The following PLEKHA5 variants were observed in gnomAD, a reference collection of about 807,000 sequenced individuals.
PLEKHA5 encodes pleckstrin homology domain containing A5.
Under a neutral mutation model 181.9 loss-of-function variants are expected in PLEKHA5, and 55 were observed. The observed-to-expected ratio is 0.30, with a 90% confidence interval of 0.24 to 0.38. The LOEUF (loss-of-function observed/expected upper bound fraction) is 0.38, where lower values mean the gene tolerates loss of function less well. Ranked by LOEUF, PLEKHA5 falls within the 10% of genes least tolerant of loss-of-function variation. PLEKHA5 has a pLI of 1.00. For missense variants in PLEKHA5, 1,432 were observed against 1,549.5 expected (o/e 0.92, Z 1.27); for synonymous variants, 535 against 529.4 (o/e 1.01, Z -0.15).
At chr12:19,244,200 A>G (rs1052408207) in intron 3 of PLEKHA5, among the ~76,000 whole-genome samples, 3 of 152,166 alleles carry the variant, frequency 2.0e-5, no homozygotes, top group Non-Finnish European at 2.9e-5. Flanking sequence ...ACACTGTGTG[A>G]TTTCTATTGA....
chr12:19,327,956 A>G (rs1005062606), intron 20 of PLEKHA5, among the ~76,000 whole-genome samples: 2 of 152,086 alleles, frequency 1.3e-5, no homozygotes, highest in Non-Finnish European at 2.9e-5. Flanking sequence ...AAGGATTCTT[A>G]TAGTTTGAGG....
At chr12:19,289,658 C>A (rs1346984030) in intron 13 of PLEKHA5, among the ~76,000 whole-genome samples, 1 of 152,070 alleles carries the variant, frequency 6.6e-6, no homozygotes, top group Non-Finnish European at 1.5e-5. Context: ...GGAATTTCAT[C>A]CACTGTTGAA....
chr12:19,284,978 C>T (rs968053280), intron 12 of PLEKHA5, among the ~76,000 whole-genome samples: 1 of 152,158 alleles, frequency 6.6e-6, no homozygotes, highest in African/African-American at 2.4e-5. Context: ...TTTTAAAATG[C>T]TCTTTTCTTA....
At chr12:19,275,438 C>A (rs1480005201) in intron 11 of PLEKHA5, among the ~76,000 whole-genome samples, 3 of 152,162 alleles carry the variant, frequency 2.0e-5, no homozygotes, top group African/African-American at 7.2e-5. Context: ...CAGTCTTATT[C>A]TTGGGCTTTC....
At position 19,130,998 on chromosome 12, in the gene PLEKHA5, G is replaced by C. The variant is rs1382143073; in HGVS notation, c.169+868G>C. ...CTTTGGGAGCTTGTTTGAATGCTAA[G>C]TGTGAGTGGAGCTGGAAAAGGCTCC... On this transcript the variant is annotated intron_variant, in intron 2 of 31. Transcript: ENST00000429027. The surrounding 1 kb of genome is among the most constrained non-coding windows in gnomAD (Gnocchi z 4.5). 1 of 152,422 alleles carries C rather than the reference G, an allele frequency of 6.6e-6. No individual in the cohort carries two copies. The highest frequency in any genetic ancestry group is 1.5e-5 in the Non-Finnish European group (1 of 68,166). 9.4% of individuals were successfully genotyped at this position (152,422 alleles called of 1,614,324 possible). A position where few individuals can be genotyped will look rare whatever the true frequency, so the allele number is the denominator to read the frequency against.
intron 3 of PLEKHA5, among the ~76,000 whole-genome samples, chr12:19,212,881 CAG>C (rs2057240093): frequency 1.4e-5 from 2 of 146,798 alleles, no homozygotes; most frequent in African/African-American, 5.0e-5. Flanking sequence ...CTGTAAGTGG[CAG>C]AGTTAGAATT....
intron 15 of PLEKHA5, among the ~76,000 whole-genome samples, chr12:19,294,863 A>T (rs1190017978): frequency 6.6e-6 from 1 of 152,218 alleles, no homozygotes; most frequent in African/African-American, 2.4e-5. Flanking sequence ...TCAGCAATAT[A>T]ATTTGATTCT....
intron 3 of PLEKHA5, among the ~76,000 whole-genome samples, chr12:19,234,077 T>A (rs964059213): frequency 6.6e-6 from 1 of 152,228 alleles, no homozygotes; most frequent in Non-Finnish European, 1.5e-5. Flanking sequence ...ACCTATTCTT[T>A]TCCTTAAATG....
At chr12:19,309,061 CAAAAAAAAA>C (rs920440518) in intron 15 of PLEKHA5, among the ~76,000 whole-genome samples, 3 of 147,460 alleles carry the variant, frequency 2.0e-5, no homozygotes, top group Non-Finnish European at 4.5e-5. Context: ...GACTCCATCT[CAAAAAAAAA>C]GAAAAAAAGA....
At chr12:19,324,616 A>G (rs1256218083) in intron 20 of PLEKHA5, among the ~76,000 whole-genome samples, 2 of 152,236 alleles carry the variant, frequency 1.3e-5, no homozygotes, top group African/African-American at 4.8e-5. Context: ...TACTGTCTAC[A>G]AGGAAGTAGT....
Position 19,274,644 on chromosome 12 carries a change from A to G in PLEKHA5, c.974A>G (p.Lys325Arg), listed in dbSNP as rs1292720819. The G allele has an allele frequency of 6.2e-7, 1 of 1,613,980 alleles. No homozygotes were observed. The highest frequency in any genetic ancestry group is 8.5e-7 in the Non-Finnish European group (1 of 1,179,828). The change falls in exon 11 of 32, where the codon AAA becomes AGA. Residue 325 changes from lysine (K) to arginine (R), a missense_variant. Lys to Arg is a conservative substitution (Grantham distance 26). Coordinates refer to ENST00000429027, the MANE Select transcript of PLEKHA5 (RefSeq NM_001256470.2). The stretch of plus-strand genomic sequence containing the variant: ...AAGGAAATGAGCAAAATTGAAGAAA[A>G]AAAGGCATTAGAAGCTGAAAAATAT... ...KNKEMSKIEE[K>R]KALEAEKYGF...
At chr12:19,242,824 C>G (rs1001788778) in intron 3 of PLEKHA5, among the ~76,000 whole-genome samples, 9 of 152,108 alleles carry the variant, frequency 5.9e-5, no homozygotes, top group African/African-American at 2.2e-4. Flanking sequence ...TTGGGTGCAA[C>G]ACATGCTTTA....
At position 19,132,469 on chromosome 12, in the gene PLEKHA5, A is replaced by G. The variant is rs945792734; in HGVS notation, c.227+19A>G. ...ATATAAAGTGAGTTTTTTGACTTTCATTTTTTTCCTTCGTAATTAGAATGC... is the reference window on the plus strand; with the variant it reads ...ATATAAAGTGAGTTTTTTGACTTTCGTTTTTTTCCTTCGTAATTAGAATGC... On this transcript the variant is annotated intron_variant, in intron 3 of 31. Coordinates refer to ENST00000429027, the MANE Select transcript of PLEKHA5 (RefSeq NM_001256470.2). The G allele has an allele frequency of 2.2e-6, 3 of 1,339,404 alleles. No individual in the cohort carries two copies. The South Asian group carries it at 3.7e-5, about 16-fold the overall frequency. The allele number at this position is 1,339,404 out of a possible 1,614,324, so 83.0% of individuals were successfully genotyped here.
intron 3 of PLEKHA5, among the ~76,000 whole-genome samples, chr12:19,193,581 T>C (rs936998980): frequency 1.3e-5 from 2 of 152,116 alleles, no homozygotes; most frequent in Non-Finnish European, 2.9e-5. Context: ...GGGCCTTCAG[T>C]GTGCATCTAT....
At chr12:19,263,502 G>A (rs2069235801) in intron 7 of PLEKHA5, among the ~76,000 whole-genome samples, 1 of 152,116 alleles carries the variant, frequency 6.6e-6, no homozygotes, top group African/African-American at 2.4e-5. Flanking sequence ...ATTTCTCAAA[G>A]CATCTAGTCT....
At chr12:19,164,202 T>G (rs1370954195) in intron 3 of PLEKHA5, among the ~76,000 whole-genome samples, 2 of 145,598 alleles carry the variant, frequency 1.4e-5, no homozygotes, top group Non-Finnish European at 3.0e-5. Flanking sequence ...TTTTTGTTTT[T>G]TTTTTTTTTT....
chr12:19,167,201 T>C (rs1447092712), intron 3 of PLEKHA5, among the ~76,000 whole-genome samples: 1 of 152,270 alleles, frequency 6.6e-6, no homozygotes, highest in Middle Eastern at 3.4e-3. Context: ...CAGATTGTTC[T>C]GGGAGCTAAG....
intron 3 of PLEKHA5, among the ~76,000 whole-genome samples, chr12:19,230,671 T>C (rs537636222): frequency 1.3e-5 from 2 of 152,272 alleles, no homozygotes; most frequent in South Asian, 2.1e-4. Flanking sequence ...GCGGAGCCTG[T>C]GCCCACCTGA....
intron 3 of PLEKHA5, among the ~76,000 whole-genome samples, chr12:19,179,855 GA>G (rs1234773808): frequency 2.0e-5 from 3 of 151,882 alleles, no homozygotes; most frequent in Non-Finnish European, 1.5e-5. Context: ...TAGAGACACT[GA>G]AAAAAAATTA....
Sources: allele counts gnomAD v4.1 joint callset (sites outside exome capture counted in the v4.1 genomes callset), GRCh38; gene constraint gnomAD v4.1.1; non-coding constraint Gnocchi (gnomAD v3.1); transcripts MANE v1.5; gene names NCBI Gene and HGNC (gene_info 2026-07-23, HGNC 2026-07-21).